Variants in TRRAP observed in about 807,000 individuals in gnomAD.
The protein encoded by TRRAP is transformation/transcription domain associated protein.
A neutral mutation model predicts 438.8 loss-of-function variants in TRRAP; 41 were observed. The observed-to-expected ratio is 0.09, with a 90% CI of 0.07 to 0.12. The LOEUF (loss-of-function observed/expected upper bound fraction) is 0.12. Among genes scored for constraint, TRRAP ranks in the 10% least tolerant of loss-of-function variants. The pLI is 1.00. For missense variants in TRRAP, 3,122 were observed against 5,055.1 expected, an observed-to-expected ratio of 0.62 and a Z score of 11.60; for synonymous variants, 1,994 against 1,962.9, an observed-to-expected ratio of 1.02 and a Z score of -0.42.
intron 7 of TRRAP, among the ~76,000 whole-genome samples, 198 bp from the exon 8 acceptor site, chr7:98,897,543 G>T (rs574734952): frequency 1.3e-5 from 2 of 152,140 alleles, no homozygotes; most frequent in African/African-American, 2.4e-5. Context: ...GTGTGTGTTG[G>T]TTTAGGCTTT....
At position 98,953,521 on chromosome 7, in the gene TRRAP, G is replaced by A. The variant is rs2116627015; in HGVS notation, c.5730+88G>A. On this transcript the variant is annotated intron_variant, in intron 40 of 72. Coordinates refer to ENST00000456197, the MANE Select transcript of TRRAP (RefSeq NM_001375524.1). The stretch of plus-strand genomic sequence containing the variant: ...CCCTGGTGCAGTCTCAGCCTCTCCT[G>A]TTGTCTTCTCCCAAAACCAATAAAA... 5 of 1,542,910 alleles carry A rather than the reference G, an allele frequency of 3.2e-6. No individual in the cohort carries two copies. In the East Asian group the frequency reaches 9.1e-5, roughly 28 times the overall value.
chr7:98,937,281 A>AGT lies in TRRAP; in HGVS notation c.4233+12_4233+13dup. 1 of 1,600,954 alleles carries AGT rather than the reference A, an allele frequency of 6.2e-7. No homozygotes were observed. Among genetic ancestry groups the AGT allele is most frequent in the East Asian group, 2.2e-5 (1 of 44,776 alleles). The stretch of plus-strand genomic sequence containing the variant: ...CGGAGAAGCCTGTATGAGAAAGGTG[A>AGT]GTGTGTGTGCGTGCGTGTATGCGCA... On this transcript the variant is annotated splice_donor_region_variant and intron_variant, in intron 29 of 72. Transcript: ENST00000456197.
In TRRAP at chr7:98,956,295, G is replaced by A; in HGVS notation, c.6087G>A (p.Lys2029=). 1 of 1,614,230 alleles carries A rather than the reference G, an allele frequency of 6.2e-7. No homozygotes were observed. Among genetic ancestry groups the A allele is most frequent in the Non-Finnish European group, 8.5e-7 (1 of 1,180,032 alleles). The change falls in exon 42 of 73, where the codon AAG becomes AAA. Residue 2029 remains lysine, a synonymous_variant. Transcript: ENST00000456197. This position sits in a 1 kb window ranked among gnomAD's most constrained non-coding sequence, Gnocchi z 4.5. ...TCAAGTGGGAGCTGCAGAGGATCAA[G>A]GACCAGCAGGTAGGGGTGTCAGCCT... The part of the protein sequence containing the change: ...VVIKWELQRI[K]DQQPDSDMDP...
At position 98,924,872 on chromosome 7, in the gene TRRAP, C is replaced by T. The variant is rs558380980; in HGVS notation, c.2824-240C>T. 2.2e-4 allele frequency among the ~76,000 whole-genome samples: 33 copies of T among 151,208 alleles called. No individual in the cohort carries two copies. In the South Asian group the frequency reaches 6.3e-3, roughly 29 times the overall value. The stretch of plus-strand genomic sequence containing the variant: ...CAAAAAACTTAGCTGGGCGTGGTGG[C>T]GGGCACCTGTAGTCCCAGCTACTTG... On this transcript the variant is annotated intron_variant, in intron 21 of 72. Coordinates refer to ENST00000456197, the MANE Select transcript of TRRAP (RefSeq NM_001375524.1).
At position 98,964,924 on chromosome 7, in the gene TRRAP, T is replaced by C. The variant is rs538053243; in HGVS notation, c.6976+149T>C. ...TAAATCGTTACCATTTGCTCTTCAATGTAGGGGTTTAAAAAACAACTCATT... is the reference window on the plus strand; with the variant it reads ...TAAATCGTTACCATTTGCTCTTCAACGTAGGGGTTTAAAAAACAACTCATT... On this transcript the variant is annotated intron_variant, in intron 48 of 72. Coordinates refer to ENST00000456197, the MANE Select transcript of TRRAP (RefSeq NM_001375524.1). The C allele has an allele frequency of 1.4e-5, 15 of 1,062,770 alleles. No individual in the cohort carries two copies. The East Asian group carries it at 4.1e-4, about 29-fold the overall frequency. 65.8% of individuals were successfully genotyped at this position (1,062,770 alleles called of 1,614,324 possible).
intron 26 of TRRAP, among the ~76,000 whole-genome samples, chr7:98,932,664 G>T: frequency 6.6e-6 from 1 of 152,264 alleles, no homozygotes; most frequent in South Asian, 2.1e-4. Flanking sequence ...ATGGGTACAT[G>T]AAAATTTGTA....
At chr7:98,985,606 C>T (rs188798897) in intron 62 of TRRAP, among the ~76,000 whole-genome samples, 30 of 152,332 alleles carry the variant, frequency 2.0e-4, no homozygotes, top group Non-Finnish European at 3.4e-4. Flanking sequence ...GAGAAGTAAA[C>T]GTCAGAGGAG....
intron 67 of TRRAP, chr7:98,999,526 A>G: frequency 1.4e-6 from 1 of 727,206 alleles, no homozygotes; most frequent in South Asian, 1.6e-5. Flanking sequence ...GGGGTGCACC[A>G]GGGTCTCTTG....
chr7:98,974,292 T>C (rs1420410771), intron 53 of TRRAP, among the ~76,000 whole-genome samples: 2 of 152,220 alleles, frequency 1.3e-5, no homozygotes, highest in African/African-American at 4.8e-5. Flanking sequence ...TCCACCCTGA[T>C]GTTCTCCTTC....
At chr7:98,900,502 GCTGTGTTGTTTGGGT>G (rs1796425432) in intron 10 of TRRAP, 107 bp from the exon 11 acceptor site, 13 of 738,286 alleles carry the variant, frequency 1.8e-5, no homozygotes, top group Non-Finnish European at 2.2e-6. Context: ...TGCTATTGTT[GCTGTGTTGTTTGGGT>G]CTGTGTGGAA....
chr7:98,927,153 AT>A lies in TRRAP; in HGVS notation c.2976-10del. The A allele has an allele frequency of 6.2e-7, 1 of 1,614,172 alleles. No individual in the cohort carries two copies. Among genetic ancestry groups the A allele is most frequent in the African/African-American group, 1.3e-5 (1 of 75,046 alleles). On this transcript the variant is annotated splice_polypyrimidine_tract_variant and intron_variant, in intron 22 of 72. Transcript: ENST00000456197. ...GTTGGGTGTCGTGACACCAGATCTG[AT>A]TTTGCCTTTCAGCTTTACAGAAAAG...
rs765628543 is a variant in TRRAP at position 98,967,436 on chromosome 7, A to G, written c.7299-49A>G. 5.7e-6 allele frequency: 9 copies of G among 1,586,006 alleles called. No homozygotes were observed. The South Asian group carries it at 8.9e-5, about 16-fold the overall frequency. ...TTCACCTGTTTCTGCTTGTTTGCAT[A>G]TGACTTGGGGAGTCCATCGTCTTGC... On this transcript the variant is annotated intron_variant, in intron 50 of 72. Transcript: ENST00000456197.
At position 98,937,087 on chromosome 7, in the gene TRRAP, A is replaced by T; in HGVS notation, c.4112-69A>T. On this transcript the variant is annotated intron_variant, in intron 28 of 72. Transcript: ENST00000456197. ...TACCAAATAATAATAATAAATAAAT[A>T]CAGAGAAGAAAATTATTTGGGCATC... The T allele has an allele frequency of 2.6e-6, 4 of 1,510,082 alleles. No individual in the cohort carries two copies. The South Asian group carries it at 5.1e-5, about 19-fold the overall frequency. 93.5% of individuals were successfully genotyped at this position (1,510,082 alleles called of 1,614,324 possible). A position where few individuals can be genotyped will look rare whatever the true frequency, so the allele number is the denominator to read the frequency against.
At chr7:98,996,358 C>T (rs1408378279) in intron 67 of TRRAP, among the ~76,000 whole-genome samples, 9 of 152,210 alleles carry the variant, frequency 5.9e-5, no homozygotes, top group South Asian at 4.1e-4. Context: ...AGTAGAGAAG[C>T]GCGTGGCGGG....
At chr7:98,923,348 A>G (rs968933353) in intron 21 of TRRAP, among the ~76,000 whole-genome samples, 18 of 152,150 alleles carry the variant, frequency 1.2e-4, no homozygotes, top group African/African-American at 2.4e-5. Flanking sequence ...GAGGCTCACC[A>G]TGGTGCCTGT....
At chr7:98,963,482 T>C (rs753767388) in intron 47 of TRRAP, among the ~76,000 whole-genome samples, 4 of 152,204 alleles carry the variant, frequency 2.6e-5, no homozygotes, top group East Asian at 1.9e-4. Context: ...CTCTGTGGGG[T>C]GTCGAAGGCC....
At chr7:98,972,103 C>T (rs939154868) in intron 53 of TRRAP, among the ~76,000 whole-genome samples, 158 bp downstream of exon 53, 27 of 152,184 alleles carry the variant, frequency 1.8e-4, no homozygotes, top group African/African-American at 3.9e-4. Flanking sequence ...AGTCTAGTGG[C>T]GCAGTCGCAC....
chr7:98,979,157 C>T (rs571702972), intron 58 of TRRAP, among the ~76,000 whole-genome samples: 2 of 152,218 alleles, frequency 1.3e-5, no homozygotes, highest in Non-Finnish European at 2.9e-5. Context: ...CAGGTGTTGA[C>T]TTCTGGTTTG....
At chr7:98,949,876 G>A (rs1554417808) in intron 37 of TRRAP, 35 bp downstream of exon 37, 1 of 1,596,666 alleles carries the variant, frequency 6.3e-7, no homozygotes, top group African/African-American at 1.3e-5. Flanking sequence ...CCGCGGGACT[G>A]GCTCTGTCCC....
Sources: gnomAD v4.1 joint callset for allele counts (sites outside exome capture counted in the v4.1 genomes callset) on GRCh38, gnomAD v4.1.1 for gene constraint, Gnocchi (gnomAD v3.1) non-coding constraint, MANE v1.5 for transcripts, NCBI Gene and HGNC (gene_info 2026-07-23, HGNC 2026-07-21) for gene names.